SCAMP3: variants seen among roughly 807,000 people sequenced by gnomAD.
SCAMP3 encodes the protein secretory carrier-associated membrane protein 3.
In SCAMP3, 30 loss-of-function variants were observed where a neutral mutation model predicts 44.1. The observed-to-expected ratio is 0.68, with a 90% CI of 0.51 to 0.92. The LOEUF is 0.92. Ranked by LOEUF, SCAMP3 falls within the 40% of genes least tolerant of loss-of-function variation. The pLI is 0.00. For synonymous variants in SCAMP3, 168 were observed against 171.1 expected, an observed-to-expected ratio of 0.98 and a Z score of 0.14; for missense variants, 394 against 440.0, an observed-to-expected ratio of 0.90 and a Z score of 0.93.
intron 4 of SCAMP3, 56 bp from the exon 5 acceptor site, chr1:155,259,010 G>A (rs1672884181): frequency 6.7e-7 from 1 of 1,484,992 alleles, no homozygotes; most frequent in Middle Eastern, 2.3e-4. Flanking sequence ...ACCAACAAAG[G>A]AATCACTCCC....
intron 1 of SCAMP3, 55 bp downstream of exon 1, chr1:155,262,031 A>C: frequency 6.5e-7 from 1 of 1,548,694 alleles, no homozygotes; most frequent in Non-Finnish European, 8.9e-7. Context: ...CCGACCCTAC[A>C]GAACCGGGAA....
In SCAMP3 at chr1:155,256,058, G is replaced by A; in HGVS notation, c.*215C>T. ...GCACAGCAGAGGGAAGCTGGGTTGG[G>A]GCGTGTGAGAGGTGGCAGCAGTGTG... On this transcript the variant is annotated 3_prime_UTR_variant, in exon 9 of 9. Transcript: ENST00000302631. 1 of 426,788 alleles carries A rather than the reference G, an allele frequency of 2.3e-6. No homozygotes were observed. Among genetic ancestry groups the A allele is most frequent in the Non-Finnish European group, 4.2e-6 (1 of 239,166 alleles). The allele number at this position is 426,788 out of a possible 1,614,324, so 26.4% of individuals were successfully genotyped here.
intron 4 of SCAMP3, among the ~76,000 whole-genome samples, chr1:155,259,772 C>T (rs1672909338): frequency 6.6e-6 from 1 of 152,140 alleles, no homozygotes; most frequent in South Asian, 2.1e-4. Context: ...GTACCAAGTA[C>T]TTCACATATA....
At chr1:155,261,538 C>G in intron 2 of SCAMP3, 119 bp downstream of exon 2, 2 of 918,772 alleles carry the variant, frequency 2.2e-6, no homozygotes, top group East Asian at 4.8e-5. Flanking sequence ...TCTCAGGGAA[C>G]TAAGATCACA....
chr1:155,262,303 G>T lies in SCAMP3; in HGVS notation c.-152C>A. 1.5e-6 allele frequency: 1 copy of T among 679,580 alleles called. No homozygotes were observed. The highest frequency in any genetic ancestry group is 2.4e-6 in the Non-Finnish European group (1 of 411,670). 42.1% of individuals were successfully genotyped at this position (679,580 alleles called of 1,614,324 possible). ...TTCCACCGACCGGAAGGGCCACAAG[G>T]ATCCCCGCAGCAGCCGTGGGTTGCG... is the stretch of plus-strand genomic sequence containing the variant. On this transcript the variant is annotated 5_prime_UTR_variant, in exon 1 of 9. Transcript: ENST00000302631.
Position 155,260,396 on chromosome 1 carries a change from G to T in SCAMP3, c.322C>A (p.Arg108=), listed in dbSNP as rs371041272. The change falls in exon 4 of 9, where the codon CGG becomes AGG. Residue 108 remains arginine (R), a synonymous_variant. Coordinates refer to ENST00000302631, the MANE Select transcript of SCAMP3 (RefSeq NM_005698.4). The part of the protein sequence containing the change: ...ELLKKQEELN[R]KAEELDRRER... Reference sequence around the variant, plus strand: ...CTTCGGTCCAACTCCTCTGCCTTCCGGTTGAGCTCCTCCTGTTTCTTCAGC... The same window carrying T: ...CTTCGGTCCAACTCCTCTGCCTTCCTGTTGAGCTCCTCCTGTTTCTTCAGC... 1.2e-6 allele frequency: 2 copies of T among 1,613,842 alleles called. No homozygotes were observed. Among genetic ancestry groups the T allele is most frequent in the Non-Finnish European group, 1.7e-6 (2 of 1,180,042 alleles).
Position 155,256,753 on chromosome 1 carries a change from G to A in SCAMP3, c.818C>T (p.Thr273Ile). 1.9e-6 allele frequency: 3 copies of A among 1,614,210 alleles called. No individual in the cohort carries two copies. The highest frequency in any genetic ancestry group is 2.5e-6 in the Non-Finnish European group (3 of 1,180,024). ...CAGCAGCATGAGCACGGATACTGCT[G>A]TGTTGCCCTTCGGCACCACCAGAGC... ...ISALVVPKGN[T>I]AVSVLMLLVA... is the part of the protein sequence containing the mutation. Residue 273 changes from threonine to isoleucine, a missense_variant, in exon 8 of 9, where the codon ACA becomes ATA. Transcript: ENST00000302631.
intron 2 of SCAMP3, 60 bp downstream of exon 2, chr1:155,261,597 A>G: frequency 6.8e-7 from 1 of 1,469,820 alleles, no homozygotes; most frequent in Non-Finnish European, 9.5e-7. Flanking sequence ...TACCCAAGCT[A>G]ACTTGTCTCA....
Position 155,261,670 on chromosome 1 carries a change from A to G in SCAMP3, c.131T>C (p.Phe44Ser), listed in dbSNP as rs2148124317. 6.2e-7 allele frequency: 1 copy of G among 1,613,970 alleles called. No homozygotes were observed. The highest frequency in any genetic ancestry group is 2.2e-5 in the East Asian group (1 of 44,876). ...QYATLDVYNP[F>S]ETREPPPAYE... The stretch of plus-strand genomic sequence containing the variant: ...CCAGTAGCTCACCTCCCGGGTCTCA[A>G]AAGGGTTGTAGACGTCAAGCGTGGC... Residue 44 changes from phenylalanine to serine, a missense_variant, in exon 2 of 9, where the codon TTT becomes TCT. Coordinates refer to ENST00000302631, the MANE Select transcript of SCAMP3 (RefSeq NM_005698.4).
chr1:155,257,319 G>A lies in SCAMP3; in HGVS notation c.745C>T (p.Leu249Phe). Residue 249 changes from leucine (L) to phenylalanine (F), a missense_variant, in exon 7 of 9, where the codon CTC becomes TTC. By Grantham distance (22) the Leu-to-Phe change is conservative. Coordinates refer to ENST00000302631, the MANE Select transcript of SCAMP3 (RefSeq NM_005698.4). ...IFFVQDVLFVLQAIGIPGWGF... is the reference protein window; with the variant it reads ...IFFVQDVLFVFQAIGIPGWGF... ...CAACCTGGGATACCAATGGCCTGGA[G>A]GACAAAGAGCACATCCTGGACGAAG... The A allele has an allele frequency of 6.2e-7, 1 of 1,613,858 alleles. No homozygotes were observed. Among genetic ancestry groups the A allele is most frequent in the Non-Finnish European group, 8.5e-7 (1 of 1,179,794 alleles).
intron 6 of SCAMP3, 30 bp from the exon 7 acceptor site, chr1:155,257,416 G>A (rs753912828): frequency 1.2e-6 from 2 of 1,607,962 alleles, no homozygotes; most frequent in South Asian, 1.1e-5. Flanking sequence ...GGGGAGGGTG[G>A]GAGAAGAATT....
At chr1:155,260,833 T>C (rs1192696315) in intron 2 of SCAMP3, among the ~76,000 whole-genome samples, 174 bp from the exon 3 acceptor site, 1 of 152,172 alleles carries the variant, frequency 6.6e-6, no homozygotes, top group Non-Finnish European at 1.5e-5. Context: ...TGATGACCTG[T>C]AGCAGCCTTA....
intron 1 of SCAMP3, 150 bp from the exon 2 acceptor site, chr1:155,261,884 A>G: frequency 1.2e-6 from 1 of 825,606 alleles, no homozygotes; most frequent in Non-Finnish European, 2.0e-6. Context: ...CCTCAAATCC[A>G]TCATCCAACA....
rs1557924685 is a variant in SCAMP3 at position 155,257,276 on chromosome 1, C to T, written c.779+9G>A. 6.3e-7 allele frequency: 1 copy of T among 1,583,398 alleles called. No individual in the cohort carries two copies. Among genetic ancestry groups the T allele is most frequent in the South Asian group, 1.1e-5 (1 of 90,430 alleles). The stretch of plus-strand genomic sequence containing the variant: ...GGGAAAGGTGAGGGTGGATAACAGC[C>T]TCACAAACCTGAATCCCCAACCTGG... On this transcript the variant is annotated intron_variant, in intron 7 of 8. Transcript: ENST00000302631.
intron 5 of SCAMP3, among the ~76,000 whole-genome samples, chr1:155,258,060 C>A (rs1221106230): frequency 6.8e-6 from 1 of 147,384 alleles, no homozygotes; most frequent in Non-Finnish European, 1.5e-5. Context: ...GCTCTGTCGC[C>A]CAGGCTGGAG....
rs759790975 is a variant in SCAMP3 at position 155,258,855 on chromosome 1, G to A, written c.488C>T (p.Thr163Ile). 1.2e-6 allele frequency: 2 copies of A among 1,613,044 alleles called. No homozygotes were observed. Among genetic ancestry groups the A allele is most frequent in the East Asian group, 2.2e-5 (1 of 44,814 alleles). ...CCAGAGGTAGTACATGGTGGATACAGTCTTCTGAAATTCTTGGGGGATCTC... is the reference window on the plus strand; with the variant it reads ...CCAGAGGTAGTACATGGTGGATACAATCTTCTGAAATTCTTGGGGGATCTC... ...SMEIPQEFQK[T>I]VSTMYYLWMC... Residue 163 changes from threonine (T) to isoleucine (I), a missense_variant, in exon 5 of 9, where the codon ACT (threonine) becomes ATT (isoleucine). By Grantham distance (89) the Thr-to-Ile change is moderately conservative (BLOSUM62 -1). Transcript: ENST00000302631.
intron 7 of SCAMP3, 137 bp from the exon 8 acceptor site, chr1:155,256,928 C>T (rs571217059): frequency 7.5e-6 from 5 of 669,726 alleles, no homozygotes; most frequent in African/African-American, 5.4e-5. Context: ...GCACCACAAT[C>T]CCAAACTGTA....
At position 155,260,627 on chromosome 1, in the gene SCAMP3, G is replaced by A. The variant is rs1672935247; in HGVS notation, c.177C>T (p.Ala59=). 1.2e-6 allele frequency: 2 copies of A among 1,613,592 alleles called. No homozygotes were observed. Among genetic ancestry groups the A allele is most frequent in the African/African-American group, 1.3e-5 (1 of 74,906 alleles). Residue 59 remains alanine (A), a synonymous_variant, in exon 3 of 9, where the codon GCC becomes GCT. Transcript: ENST00000302631. ...PPPAYEPPAP[A]PLPPPSAPSL... ...AGGGAGCTGAGGGTGGAGGCAATGG[G>A]GCAGGGGCTGGAGGCTCATAGGCTG... is the stretch of plus-strand genomic sequence containing the variant.
intron 2 of SCAMP3, 92 bp from the exon 3 acceptor site, chr1:155,260,751 T>A: frequency 8.6e-7 from 1 of 1,162,266 alleles, no homozygotes; most frequent in South Asian, 1.5e-5. Context: ...GAACTCATGA[T>A]GTAAGGAAGC....
Sources: gnomAD v4.1 joint callset for allele counts (sites outside exome capture counted in the v4.1 genomes callset) on GRCh38, gnomAD v4.1.1 for gene constraint, MANE v1.5 for transcripts, NCBI Gene and HGNC (gene_info 2026-07-23, HGNC 2026-07-21) for gene names.